Variants in TAF4 observed in about 807,000 individuals in gnomAD.
The protein encoded by TAF4 is transcription initiation factor TFIID subunit 4.
TAF4 carries 9 observed loss-of-function variants against 90.3 expected under a neutral mutation model. That is an observed-to-expected ratio of 0.10 (90% CI 0.06 to 0.17). TAF4 has a LOEUF of 0.17. Ranked by LOEUF, TAF4 falls within the 10% of genes least tolerant of loss-of-function variation. TAF4 has a pLI of 1.00. For synonymous variants in TAF4, 818 were observed against 638.9 expected (o/e 1.28, Z -4.23); for missense variants, 1,351 against 1,370.7 (o/e 0.99, Z 0.23).
intron 3 of TAF4, among the ~76,000 whole-genome samples, chr20:62,011,933 G>C (rs562164144): frequency 4.6e-5 from 7 of 152,328 alleles, no homozygotes; most frequent in African/African-American, 1.4e-4. Flanking sequence ...TGACTGCCCA[G>C]AGAAAGCTGC....
intron 12 of TAF4, 34 bp downstream of exon 12, chr20:61,998,949 G>A (rs1600834417): frequency 6.2e-7 from 1 of 1,608,386 alleles, no homozygotes; most frequent in Non-Finnish European, 8.5e-7. Context: ...AGACGGAGGT[G>A]CCCAGACGGC....
chr20:62,024,920 A>C lies in TAF4; in HGVS notation c.1361-10213T>G, dbSNP rs548207461. On this transcript the variant is annotated intron_variant, in intron 1 of 14. Transcript: ENST00000252996. ...GAATAGACCCTTCGCCAAAGGTGGC[A>C]GACGGATGCAAATGAGCACACGGAG... is the stretch of plus-strand genomic sequence containing the variant. Among the ~76,000 whole-genome samples, 10 of 152,302 alleles carry C rather than the reference A, an allele frequency of 6.6e-5. No homozygotes were observed. The East Asian group carries it at 1.9e-3, about 29-fold the overall frequency.
chr20:61,998,428 C>T (rs2055677095), intron 12 of TAF4, among the ~76,000 whole-genome samples: 1 of 152,214 alleles, frequency 6.6e-6, no homozygotes, highest in Non-Finnish European at 1.5e-5. Flanking sequence ...CTTTGAAACA[C>T]ATCTACCAAT....
intron 14 of TAF4, among the ~76,000 whole-genome samples, chr20:61,989,146 AC>A: frequency 6.6e-6 from 1 of 151,906 alleles, no homozygotes; most frequent in South Asian, 2.1e-4. Context: ...AACACACAGG[AC>A]CCCTTCGACA....
chr20:62,057,043 C>T (rs531068965), intron 1 of TAF4, among the ~76,000 whole-genome samples: 1 of 152,348 alleles, frequency 6.6e-6, no homozygotes, highest in East Asian at 1.9e-4. Context: ...GGAGACCACG[C>T]TCCTCCGCAG....
At chr20:62,047,900 C>G (rs2056002702) in intron 1 of TAF4, among the ~76,000 whole-genome samples, 1 of 152,216 alleles carries the variant, frequency 6.6e-6, no homozygotes, top group South Asian at 2.1e-4. Context: ...CCCGGGATTC[C>G]TCGCCGAGAT....
At chr20:62,043,173 C>T (rs114690516) in intron 1 of TAF4, among the ~76,000 whole-genome samples, 4,159 of 152,054 alleles carry the variant, frequency 0.027, 197 homozygotes, top group African/African-American at 0.095. Context: ...AAAATTAGCC[C>T]GGCATGGTGG....
chr20:62,049,297 G>T (rs973040830), intron 1 of TAF4, among the ~76,000 whole-genome samples: 2 of 152,146 alleles, frequency 1.3e-5, no homozygotes, highest in African/African-American at 4.8e-5. Context: ...CCAGGAAGTG[G>T]ATCCCAAACA....
intron 14 of TAF4, among the ~76,000 whole-genome samples, chr20:61,992,157 G>T (rs908579710): frequency 2.0e-5 from 3 of 152,092 alleles, no homozygotes; most frequent in African/African-American, 7.2e-5. Flanking sequence ...ACATAAAGAC[G>T]AGTCACGGCA....
chr20:62,005,330 C>G (rs143556250), intron 7 of TAF4: 1 of 152,280 alleles, frequency 6.6e-6, no homozygotes, highest in East Asian at 1.9e-4. Context: ...CAGACTCACA[C>G]GTGGTCAGGA....
intron 1 of TAF4, among the ~76,000 whole-genome samples, chr20:62,039,469 C>CATA (rs1273612009): frequency 6.6e-6 from 1 of 152,168 alleles, no homozygotes; most frequent in Non-Finnish European, 1.5e-5. Flanking sequence ...GAGCTAAAGC[C>CATA]ATAAGCATTC....
chr20:62,064,667 C>G lies in TAF4; in HGVS notation c.1144G>C (p.Ala382Pro), dbSNP rs2056112196. 3 of 1,285,534 alleles carry G rather than the reference C, an allele frequency of 2.3e-6. No homozygotes were observed. The highest frequency in any genetic ancestry group is 2.9e-6 in the Non-Finnish European group (3 of 1,023,000). 79.6% of individuals were successfully genotyped at this position (1,285,534 alleles called of 1,614,324 possible). A position where few individuals can be genotyped will look rare whatever the true frequency, so the allele number is the denominator to read the frequency against. Residue 382 changes from alanine to proline, a missense_variant, in exon 1 of 15, where the codon GCG becomes CCG. Transcript: ENST00000252996. Reference protein sequence around the residue: ...SMVIGPTMQGALPSPAAVPPP... With the variant: ...SMVIGPTMQGPLPSPAAVPPP... ...GGGACGGCGGCCGGGCTGGGCAGCG[C>G]CCCTTGCATAGTTGGCCCGATGACC...
intron 10 of TAF4, 27 bp downstream of exon 10, chr20:62,000,525 G>A (rs779296706): frequency 6.2e-7 from 1 of 1,604,166 alleles, no homozygotes; most frequent in Non-Finnish European, 8.5e-7. Context: ...TGTTTAATAA[G>A]AACTCAGTCA....
At chr20:62,032,982 C>T (rs1415260111) in intron 1 of TAF4, among the ~76,000 whole-genome samples, 4 of 151,906 alleles carry the variant, frequency 2.6e-5, no homozygotes, top group African/African-American at 4.8e-5. Flanking sequence ...ACTGGCTTCT[C>T]GAAGGAAGCA....
chr20:62,003,084 G>T, intron 9 of TAF4, 76 bp downstream of exon 9: 2 of 1,298,086 alleles, frequency 1.5e-6, no homozygotes, highest in Non-Finnish European at 2.2e-6. Context: ...CCGTGGGCGG[G>T]AATGGAGCAG....
chr20:61,995,904 A>T (rs2055660256), intron 14 of TAF4, among the ~76,000 whole-genome samples: 1 of 152,006 alleles, frequency 6.6e-6, no homozygotes, highest in South Asian at 2.1e-4. Context: ...AAATTTGAAG[A>T]AGTATTAGCC....
chr20:62,049,816 T>C (rs1568942099), intron 1 of TAF4, among the ~76,000 whole-genome samples: 2 of 152,228 alleles, frequency 1.3e-5, no homozygotes, highest in Admixed American at 6.5e-5. Context: ...TTCATAGAAA[T>C]GCGAGCCTCA....
At chr20:61,990,257 C>T (rs555392342) in intron 14 of TAF4, among the ~76,000 whole-genome samples, 1 of 152,282 alleles carries the variant, frequency 6.6e-6, no homozygotes, top group East Asian at 1.9e-4. Flanking sequence ...AAGCAGACAG[C>T]GTGATGCTCA....
chr20:62,049,609 G>A (rs1186642094), intron 1 of TAF4, among the ~76,000 whole-genome samples: 1 of 93,986 alleles, frequency 1.1e-5, no homozygotes, highest in African/African-American at 4.2e-5. Context: ...CTGCAGAGAA[G>A]CACCACGGCC....
Sources: allele counts gnomAD v4.1 joint callset (sites outside exome capture counted in the v4.1 genomes callset), GRCh38; gene constraint gnomAD v4.1.1; transcripts MANE v1.5; gene names NCBI Gene and HGNC (gene_info 2026-07-23, HGNC 2026-07-21).